PKD1L1: variants seen among roughly 807,000 people sequenced by gnomAD.
The protein encoded by PKD1L1 is polycystin 1 like 1, transient receptor potential channel interacting.
PKD1L1 carries 236 observed loss-of-function variants against 323.4 expected under a neutral mutation model. The observed-to-expected ratio is 0.73, with a 90% confidence interval of 0.66 to 0.81. The LOEUF is 0.81. Ranked by LOEUF, PKD1L1 falls within the 40% of genes least tolerant of loss-of-function variation. The pLI, the probability that PKD1L1 is intolerant of heterozygous loss-of-function variation, is 0.00. For missense variants in PKD1L1, 3,320 were observed against 3,508.0 expected (o/e 0.95, Z 1.35); for synonymous variants, 1,344 against 1,335.0 (o/e 1.01, Z -0.15).
intron 5 of PKD1L1, 41 bp downstream of exon 5, chr7:47,931,895 A>T: frequency 6.3e-7 from 1 of 1,586,912 alleles, no homozygotes; most frequent in Admixed American, 1.7e-5. Flanking sequence ...GCTCACCAGC[A>T]GCTTTCTGAT....
At chr7:47,785,613 T>C (rs1786788511) in intron 56 of PKD1L1, among the ~76,000 whole-genome samples, 1 of 152,098 alleles carries the variant, frequency 6.6e-6, no homozygotes, top group African/African-American at 2.4e-5. Context: ...ACCCAGCCAG[T>C]AGTTAAAACT....
intron 53 of PKD1L1, among the ~76,000 whole-genome samples, 155 bp from the exon 54 acceptor site, chr7:47,801,034 G>A (rs375945469): frequency 3.9e-5 from 6 of 152,188 alleles, no homozygotes; most frequent in East Asian, 1.9e-4. Context: ...CCCAAAAGGC[G>A]TATGTCACCC....
At chr7:47,927,301 T>A (rs186233441) in intron 7 of PKD1L1, among the ~76,000 whole-genome samples, 65 of 152,002 alleles carry the variant, frequency 4.3e-4, no homozygotes, top group Admixed American at 2.5e-3. Flanking sequence ...TTTTTTGAGA[T>A]GGAGTCTTGC....
intron 54 of PKD1L1, among the ~76,000 whole-genome samples, chr7:47,797,044 G>A (rs1784558000): frequency 6.6e-6 from 1 of 151,194 alleles, no homozygotes; most frequent in South Asian, 2.1e-4. Context: ...TAGCCATTTA[G>A]AGCCTGTCAG....
At chr7:47,775,787 C>A (rs1786553932) in intron 56 of PKD1L1, among the ~76,000 whole-genome samples, 1 of 145,590 alleles carries the variant, frequency 6.9e-6, no homozygotes, top group Admixed American at 6.9e-5. Flanking sequence ...TACTAAAGAT[C>A]AAAGCAGAAA....
intron 7 of PKD1L1, among the ~76,000 whole-genome samples, chr7:47,918,214 A>G (rs1471003205): frequency 6.6e-6 from 1 of 152,200 alleles, no homozygotes; most frequent in East Asian, 1.9e-4. Context: ...CAAACTTTAA[A>G]GCAACAGCAG....
intron 21 of PKD1L1, among the ~76,000 whole-genome samples, chr7:47,880,475 G>A (rs974691405): frequency 1.8e-4 from 27 of 148,634 alleles, no homozygotes; most frequent in Admixed American, 4.7e-4. Context: ...GTAGAGATGG[G>A]GTTTCACCGT....
At chr7:47,942,452 C>A (rs1271258835) in intron 2 of PKD1L1, among the ~76,000 whole-genome samples, 3 of 151,888 alleles carry the variant, frequency 2.0e-5, no homozygotes, top group Admixed American at 6.6e-5. Context: ...CCCCCGCCCC[C>A]CCACTCCATT....
At chr7:47,876,786 T>A (rs1465828895) in intron 22 of PKD1L1, among the ~76,000 whole-genome samples, 4 of 151,994 alleles carry the variant, frequency 2.6e-5, no homozygotes, top group Non-Finnish European at 5.9e-5. Flanking sequence ...CATCTTTTTT[T>A]AAATTTTTTT....
Position 47,943,490 on chromosome 7 carries a change from G to A in PKD1L1, c.66C>T (p.Cys22=), listed in dbSNP as rs1788039354. 1.2e-6 allele frequency: 2 copies of A among 1,612,960 alleles called. No homozygotes were observed. Among genetic ancestry groups the A allele is most frequent in the Middle Eastern group, 1.7e-4 (1 of 6,056 alleles). ...DQERCLQAAC[C]LSFGGELSVS... Reference sequence around the variant, plus strand: ...CAGACAGCTCACCACCAAAGGAAAGGCAGCAGGCAGCCTGGAGACACCTAA... The same window carrying A: ...CAGACAGCTCACCACCAAAGGAAAGACAGCAGGCAGCCTGGAGACACCTAA... Residue 22 remains cysteine (C), a synonymous_variant, in exon 2 of 57, where the codon TGC becomes TGT. Coordinates refer to ENST00000289672, the MANE Select transcript of PKD1L1 (RefSeq NM_138295.5).
At chr7:47,934,762 G>A (rs1196349225) in intron 4 of PKD1L1, among the ~76,000 whole-genome samples, 4 of 152,140 alleles carry the variant, frequency 2.6e-5, no homozygotes, top group Non-Finnish European at 5.9e-5. Flanking sequence ...GCTTGGGGGT[G>A]GGGGGATTGC....
intron 3 of PKD1L1, among the ~76,000 whole-genome samples, chr7:47,937,944 G>A (rs1199206605): frequency 6.6e-6 from 1 of 152,112 alleles, no homozygotes. Context: ...GCAGGGAGGT[G>A]CCCACGGCAC....
chr7:47,960,760 C>T, the PKD1L1 span, among the ~76,000 whole-genome samples: 2 of 150,160 alleles, frequency 1.3e-5, no homozygotes, highest in African/African-American at 2.4e-5. Context: ...AAATGGCCAA[C>T]AGGTATATGA....
At chr7:47,798,687 A>T (rs914603300) in intron 54 of PKD1L1, among the ~76,000 whole-genome samples, 4 of 151,296 alleles carry the variant, frequency 2.6e-5, no homozygotes, top group African/African-American at 7.3e-5. Flanking sequence ...CCTGGGAGAC[A>T]GAGGTTGCAG....
intron 45 of PKD1L1, among the ~76,000 whole-genome samples, chr7:47,825,403 T>C (rs1000363732): frequency 2.0e-5 from 3 of 151,960 alleles, no homozygotes; most frequent in African/African-American, 7.3e-5. Flanking sequence ...TGGTGGCACA[T>C]GCCTGCAATC....
At chr7:47,887,086 T>TG (rs1786701832) in intron 17 of PKD1L1, among the ~76,000 whole-genome samples, 1 of 152,236 alleles carries the variant, frequency 6.6e-6, no homozygotes, top group South Asian at 2.1e-4. Flanking sequence ...CTATTCAGCA[T>TG]GGGCTCTGAT....
chr7:47,828,741 G>C (rs1785284620), intron 44 of PKD1L1, among the ~76,000 whole-genome samples: 1 of 152,256 alleles, frequency 6.6e-6, no homozygotes, highest in African/African-American at 2.4e-5. Context: ...AGAGGCCTCA[G>C]ACAGGTCCTC....
intron 13 of PKD1L1, among the ~76,000 whole-genome samples, chr7:47,901,119 C>A (rs572273370): frequency 1.3e-4 from 20 of 151,870 alleles, no homozygotes; most frequent in Non-Finnish European, 2.5e-4. Context: ...GCAGGTGGAT[C>A]AATTGAGGCC....
upstream of PKD1L1, among the ~76,000 whole-genome samples, chr7:47,950,720 AAAG>A (rs1188881084): frequency 6.6e-6 from 1 of 152,064 alleles, no homozygotes; most frequent in African/African-American, 2.4e-5. Flanking sequence ...AAAAAAAAAA[AAAG>A]AATTAGCTTT....
Sources: gnomAD v4.1 joint callset for allele counts (sites outside exome capture counted in the v4.1 genomes callset) on GRCh38, gnomAD v4.1.1 for gene constraint, MANE v1.5 for transcripts, NCBI Gene and HGNC (gene_info 2026-07-23, HGNC 2026-07-21) for gene names.